Variants in ABCA13 observed in about 807,000 individuals in gnomAD.
The protein encoded by ABCA13 is ATP binding cassette subfamily A member 13, also known as ATP-binding cassette sub-family A member 13.
A neutral mutation model predicts 478.7 loss-of-function variants in ABCA13; 476 were observed. That is an observed-to-expected ratio of 0.99 (90% CI 0.92 to 1.07). The LOEUF is 1.07. ABCA13 is among the 50% of genes least tolerant of loss of function. The probability of loss-of-function intolerance (pLI) is 0.00; values close to 1 mark genes in which losing one functional copy is unlikely to be tolerated. For synonymous variants in ABCA13, 2,252 were observed against 2,158.9 expected (o/e 1.04, Z -1.20); for missense variants, 6,060 against 5,910.6 (o/e 1.03, Z -0.83).
intron 23 of ABCA13, among the ~76,000 whole-genome samples, chr7:48,298,743 A>C (rs1799745815): frequency 6.6e-6 from 1 of 152,230 alleles, no homozygotes; most frequent in African/African-American, 2.4e-5. Context: ...AGTTAGAACA[A>C]AGTTGGTGAT....
rs779032907 is a variant in ABCA13, at chr7:48,275,855, A to G, written c.6189A>G (p.Gln2063=). The change falls in exon 17 of 62, where the codon CAA becomes CAG. Residue 2063 remains glutamine, a synonymous_variant. Coordinates refer to ENST00000435803, the MANE Select transcript of ABCA13 (RefSeq NM_152701.5). ...YNFEELWPKF[Q]QIMKDLTQDF... ...TTGAAGAACTATGGCCCAAGTTTCA[A>G]CAAATCATGAAAGACCTAACCCAAG... The G allele has an allele frequency of 8.2e-5, 133 of 1,613,422 alleles. No individual in the cohort carries two copies. The highest frequency in any genetic ancestry group is 1.1e-4 in the Non-Finnish European group (124 of 1,179,822).
intron 8 of ABCA13, among the ~76,000 whole-genome samples, chr7:48,236,050 G>A (rs1395544463): frequency 6.6e-6 from 1 of 152,148 alleles, no homozygotes; most frequent in Non-Finnish European, 1.5e-5. Context: ...AGTCATGATG[G>A]GTTGATGAGG....
intron 1 of ABCA13, among the ~76,000 whole-genome samples, chr7:48,177,430 C>T (rs1795032635): frequency 6.6e-6 from 1 of 152,196 alleles, no homozygotes; most frequent in South Asian, 2.1e-4. Context: ...TGCTGCTGAG[C>T]AGCCACCTGC....
At chr7:48,376,662 T>TAA in intron 35 of ABCA13, 90 bp downstream of exon 35, 1 of 1,382,724 alleles carries the variant, frequency 7.2e-7, no homozygotes, top group Non-Finnish European at 9.8e-7. Context: ...TCACTTATTC[T>TAA]TTAAGGAAGA....
intron 54 of ABCA13, among the ~76,000 whole-genome samples, chr7:48,525,481 T>C (rs1332664514): frequency 6.6e-6 from 1 of 152,116 alleles, no homozygotes; most frequent in East Asian, 1.9e-4. Flanking sequence ...TATTTGATTA[T>C]AGTTTTACGT....
intron 43 of ABCA13, among the ~76,000 whole-genome samples, chr7:48,466,599 A>T (rs1280146927): frequency 1.3e-5 from 2 of 152,328 alleles, no homozygotes; most frequent in South Asian, 4.1e-4. Context: ...TAATATATTA[A>T]CACAATATGA....
Position 48,350,653 on chromosome 7 carries a change from G to A in ABCA13, c.10215G>A (p.Leu3405=), listed in dbSNP as rs373566178. The stretch of plus-strand genomic sequence containing the variant: ...GTTCACTTTCCTCAGGAGGGCTGCT[G>A]GATGAGATGTTTAACCATGCAGGCG... The part of the protein sequence containing the change: ...TEKLQTYGGL[L]DEMFNHAGAG... The change falls in exon 30 of 62, where the codon CTG becomes CTA. Residue 3405 remains leucine, a synonymous_variant. Transcript: ENST00000435803. 5 of 1,612,884 alleles carry A rather than the reference G, an allele frequency of 3.1e-6. No individual in the cohort carries two copies. Among genetic ancestry groups the A allele is most frequent in the Non-Finnish European group, 4.2e-6 (5 of 1,179,292 alleles).
At position 48,248,366 on chromosome 7, in the gene ABCA13, TCCTGCTGCTGGGAGCTGATC is replaced by T; in HGVS notation, c.1791_1810del (p.Leu598SerfsTer2). On this transcript the variant is annotated frameshift_variant, in exon 14 of 62. Transcript: ENST00000435803. LOFTEE classifies it high-confidence loss of function. ...GCAAGCCTTTCCTGTACTCGGCTCT[TCCTGCTGCTGGGAGCTGATC>T]CCTCTCCTGAGAATGATGTCTTTTC... 6.2e-7 allele frequency: 1 copy of T among 1,613,822 alleles called. No homozygotes were observed. Among genetic ancestry groups the T allele is most frequent in the South Asian group, 1.1e-5 (1 of 91,062 alleles).
At chr7:48,540,970 A>C (rs1288616934) in intron 55 of ABCA13, among the ~76,000 whole-genome samples, 1 of 152,156 alleles carries the variant, frequency 6.6e-6, no homozygotes, top group Non-Finnish European at 1.5e-5. Context: ...ACTAGGTCCC[A>C]GAGGAAGTGA....
intron 27 of ABCA13, among the ~76,000 whole-genome samples, chr7:48,318,860 T>C (rs909380227): frequency 2.0e-5 from 3 of 152,192 alleles, no homozygotes; most frequent in African/African-American, 7.2e-5. Context: ...ATATGCTATA[T>C]TATTATGTTA....
At position 48,295,726 on chromosome 7, in the gene ABCA13, G is replaced by A. The variant is rs571704298; in HGVS notation, c.8982G>A (p.Pro2994=). The A allele has an allele frequency of 3.7e-5, 59 of 1,613,998 alleles. No homozygotes were observed. The highest frequency in any genetic ancestry group is 2.4e-4 in the South Asian group (22 of 91,084). Reference sequence around the variant, plus strand: ...AAATTGAAAAGATATGGTCCTCGCCGAATCAGCTAAATTGTGAAAGTCTTA... The same window carrying A: ...AAATTGAAAAGATATGGTCCTCGCCAAATCAGCTAAATTGTGAAAGTCTTA... ...FQEIEKIWSS[P]NQLNCESLSK... is the part of the protein sequence containing the mutation. The change falls in exon 21 of 62, where the codon CCG becomes CCA. Residue 2994 remains proline (P), a synonymous_variant. Coordinates refer to ENST00000435803, the MANE Select transcript of ABCA13 (RefSeq NM_152701.5).
At chr7:48,461,542 C>T (rs982712065) in intron 43 of ABCA13, among the ~76,000 whole-genome samples, 5 of 152,084 alleles carry the variant, frequency 3.3e-5, no homozygotes, top group Admixed American at 2.6e-4. Context: ...GGACAAAGTC[C>T]AGCACTGAGT....
In ABCA13 at chr7:48,412,386, A is replaced by G; in HGVS notation, c.12262A>G (p.Met4088Val). The G allele has an allele frequency of 6.2e-7, 1 of 1,613,468 alleles. No homozygotes were observed. Among genetic ancestry groups the G allele is most frequent in the South Asian group, 1.1e-5 (1 of 90,992 alleles). The change falls in exon 41 of 62, where the codon ATG becomes GTG. Residue 4088 changes from methionine (M) to valine (V), a missense_variant. Met to Val is a conservative substitution (Grantham distance 21). Transcript: ENST00000435803. ...TCTGGAGGCCCATGATCTGAAAGAC[A>G]TGGCTTGTGTTACATCCCTGATAAA... Reference protein sequence around the residue: ...SVLEAHDLKDMACVTSLIKIY... With the variant: ...SVLEAHDLKDVACVTSLIKIY...
At position 48,410,629 on chromosome 7, in the gene ABCA13, C is replaced by A. The variant is rs762988448; in HGVS notation, c.12180C>A (p.Cys4060Ter). ...TCAGGTGCTGCGGTCCTCCCTTCTG[C>A]CTGAAGGAGGCATATGGCCAGGGGC... ...GRLRCCGPPF[C>*]LKEAYGQGLR... is the part of the protein sequence containing the mutation. Residue 4060 changes from cysteine to a stop codon, truncating the protein, a stop_gained, in exon 40 of 62, where the codon TGC (cysteine) becomes TGA (stop). Transcript: ENST00000435803. LOFTEE classifies it high-confidence loss of function. 4 of 1,614,042 alleles carry A rather than the reference C, an allele frequency of 2.5e-6. No individual in the cohort carries two copies. The East Asian group carries it at 8.9e-5, about 36-fold the overall frequency.
chr7:48,404,008 T>A, intron 39 of ABCA13, 129 bp downstream of exon 39: 2 of 1,157,274 alleles, frequency 1.7e-6, no homozygotes, highest in Non-Finnish European at 2.5e-6. Context: ...AAAATATAAA[T>A]TTTTAAAAGC....
intron 41 of ABCA13, among the ~76,000 whole-genome samples, chr7:48,425,713 A>G (rs1389619978): frequency 7.5e-6 from 1 of 133,596 alleles, no homozygotes; most frequent in Non-Finnish European, 1.7e-5. Flanking sequence ...ATTGCTTGCA[A>G]CAATCCTATA....
chr7:48,521,135 C>T (rs2130981432), intron 53 of ABCA13, among the ~76,000 whole-genome samples: 1 of 152,266 alleles, frequency 6.6e-6, no homozygotes, highest in East Asian at 1.9e-4. Context: ...GAAATATTGT[C>T]AGATAAAACA....
In ABCA13 at chr7:48,246,031, G is replaced by A; in HGVS notation, c.1659+1G>A. 1.2e-6 allele frequency: 2 copies of A among 1,611,926 alleles called. No individual in the cohort carries two copies. Among genetic ancestry groups the A allele is most frequent in the Non-Finnish European group, 1.7e-6 (2 of 1,178,798 alleles). On this transcript the variant is annotated splice_donor_variant, in intron 13 of 61. Transcript: ENST00000435803. LOFTEE classifies it high-confidence loss of function. ...GCTACTTGGTTCAGTAGAGGATGCT[G>A]TAAGTATTCTACCATCTTAGCTCTT...
At chr7:48,372,641 T>C in intron 33 of ABCA13, 144 bp downstream of exon 33, 1 of 748,998 alleles carries the variant, frequency 1.3e-6, no homozygotes. Flanking sequence ...TTTTAAAATC[T>C]TACCCACAAA....
Sources: gnomAD v4.1 joint callset for allele counts (sites outside exome capture counted in the v4.1 genomes callset) on GRCh38, gnomAD v4.1.1 for gene constraint, MANE v1.5 for transcripts, NCBI Gene and HGNC (gene_info 2026-07-23, HGNC 2026-07-21) for gene names.